The following EYS variants were observed in gnomAD, a reference collection of about 807,000 sequenced individuals.
The protein encoded by EYS is EGF-like photoreceptor maintenance factor.
Under a neutral mutation model 282.1 loss-of-function variants are expected in EYS, and 250 were observed. The ratio of observed to expected loss-of-function variants is 0.89; its 90% CI spans 0.80 to 0.98. EYS has a LOEUF of 0.98. Ranked by LOEUF, EYS falls within the 50% of genes least tolerant of loss-of-function variation. EYS has a pLI of 0.00. For synonymous variants in EYS, 1,355 were observed against 1,282.9 expected, an observed-to-expected ratio of 1.06 and a Z score of -1.20; for missense variants, 4,016 against 3,709.0, an observed-to-expected ratio of 1.08 and a Z score of -2.15.
chr6:64,093,361 C>T (rs575338400), intron 31 of EYS, among the ~76,000 whole-genome samples: 232 of 152,238 alleles, frequency 1.5e-3, no homozygotes, highest in African/African-American at 5.2e-3. Context: ...GCCATTTTCA[C>T]GACATTGATT....
At chr6:64,510,260 G>C (rs1337665688) in intron 26 of EYS, among the ~76,000 whole-genome samples, 1 of 152,060 alleles carries the variant, frequency 6.6e-6, no homozygotes, top group Non-Finnish European at 1.5e-5. Flanking sequence ...TGGAAATAAT[G>C]AATATGTACT....
intron 6 of EYS, 126 bp downstream of exon 6, chr6:65,405,048 T>G (rs1766666730): frequency 1.5e-6 from 1 of 674,798 alleles, no homozygotes; most frequent in South Asian, 2.1e-5. Flanking sequence ...TAGACCGTTC[T>G]TGTTCGTCTG....
At position 64,945,831 on chromosome 6, in the gene EYS, C is replaced by A; in HGVS notation, c.2343G>T (p.Lys781Asn). ...ESNECKMNPC[K>N]NNSTCTDLYK... ...AAAGGTCAGTACAGGTGGAATTGTT[C>A]TTGCAAGGATTCATTTTACACTCAT... Residue 781 changes from lysine (K) to asparagine (N), a missense_variant, in exon 15 of 43, where the codon AAG becomes AAT. Transcript: ENST00000503581. 5 of 1,549,998 alleles carry A rather than the reference C, an allele frequency of 3.2e-6. No homozygotes were observed. Among genetic ancestry groups the A allele is most frequent in the Non-Finnish European group, 4.4e-6 (5 of 1,145,926 alleles).
At chr6:63,987,186 T>C (rs893104450) in intron 34 of EYS, among the ~76,000 whole-genome samples, 1 of 151,698 alleles carries the variant, frequency 6.6e-6, no homozygotes, top group South Asian at 2.1e-4. Context: ...CTCCAGATAA[T>C]TCCAACACAG....
intron 13 of EYS, among the ~76,000 whole-genome samples, chr6:65,002,693 T>C (rs1771501973): frequency 6.8e-6 from 1 of 147,838 alleles, no homozygotes; most frequent in Non-Finnish European, 1.5e-5. Context: ...TATTTATTCA[T>C]ATATTGAGGT....
At chr6:65,477,600 C>T (rs1220214904) in intron 5 of EYS, among the ~76,000 whole-genome samples, 1 of 152,030 alleles carries the variant, frequency 6.6e-6, no homozygotes, top group Non-Finnish European at 1.5e-5. Context: ...ACAAGGGAAG[C>T]CAATTGACGC....
chr6:65,607,431 A>G (rs1271902576), intron 2 of EYS, among the ~76,000 whole-genome samples: 1 of 151,884 alleles, frequency 6.6e-6, no homozygotes, highest in Non-Finnish European at 1.5e-5. Flanking sequence ...TCATTGTAAC[A>G]GAACCAATAC....
intron 26 of EYS, among the ~76,000 whole-genome samples, chr6:64,504,915 G>A (rs1777165057): frequency 6.6e-6 from 1 of 152,114 alleles, no homozygotes; most frequent in African/African-American, 2.4e-5. Context: ...GGATGAGGAA[G>A]GGTCCATAAT....
chr6:65,430,178 G>C (rs529934559), intron 5 of EYS, among the ~76,000 whole-genome samples: 5 of 152,032 alleles, frequency 3.3e-5, no homozygotes, highest in African/African-American at 9.7e-5. Flanking sequence ...TATCTACAAA[G>C]GAAAAACACG....
At chr6:63,740,861 C>T (rs1769058571) in intron 41 of EYS, among the ~76,000 whole-genome samples, 1 of 152,152 alleles carries the variant, frequency 6.6e-6, no homozygotes. Context: ...ATTCAAAGGA[C>T]TCTGATTTAG....
At chr6:65,637,576 C>T (rs147719196) in intron 2 of EYS, among the ~76,000 whole-genome samples, 1 of 152,188 alleles carries the variant, frequency 6.6e-6, no homozygotes, top group African/African-American at 2.4e-5. Context: ...AGCATCACTG[C>T]ACTCTTGGGG....
At chr6:64,501,117 C>T (rs1036797080) in intron 26 of EYS, among the ~76,000 whole-genome samples, 2 of 139,616 alleles carry the variant, frequency 1.4e-5, no homozygotes, top group African/African-American at 2.6e-5. Context: ...TTACTAATTT[C>T]ATTGCTTGGG....
intron 5 of EYS, among the ~76,000 whole-genome samples, chr6:65,433,231 G>A (rs1258091613): frequency 1.3e-5 from 2 of 152,132 alleles, no homozygotes; most frequent in African/African-American, 4.8e-5. Flanking sequence ...AAGCCAATAT[G>A]TAGTGTCCTG....
chr6:64,459,749 C>T (rs1320227946), intron 26 of EYS, among the ~76,000 whole-genome samples: 1 of 152,188 alleles, frequency 6.6e-6, no homozygotes, highest in African/African-American at 2.4e-5. Context: ...CTGATTTATT[C>T]TAGCTGCACT....
At chr6:64,695,967 C>A (rs962241862) in intron 22 of EYS, among the ~76,000 whole-genome samples, 1 of 152,076 alleles carries the variant, frequency 6.6e-6, no homozygotes, top group African/African-American at 2.4e-5. Context: ...GGTACTATTA[C>A]ACCTCTAAGG....
At chr6:64,470,146 C>T (rs1002760153) in intron 26 of EYS, among the ~76,000 whole-genome samples, 4 of 152,114 alleles carry the variant, frequency 2.6e-5, no homozygotes, top group Non-Finnish European at 5.9e-5. Context: ...CCGGTCTCTG[C>T]GTCTTGGTGG....
At chr6:65,008,551 GC>G (rs2150131806) in intron 13 of EYS, among the ~76,000 whole-genome samples, 1 of 152,292 alleles carries the variant, frequency 6.6e-6, no homozygotes, top group East Asian at 1.9e-4. Flanking sequence ...AAAATTGAAT[GC>G]CTAATAGGCC....
intron 22 of EYS, among the ~76,000 whole-genome samples, chr6:64,751,016 G>C (rs1456295994): frequency 6.6e-6 from 1 of 151,970 alleles, no homozygotes; most frequent in Non-Finnish European, 1.5e-5. Flanking sequence ...TAGGAGTTTA[G>C]GCCCCTCCTT....
rs537484260 is a variant in EYS at position 65,634,963 on chromosome 6, C to T, written c.-333+4815G>A. On this transcript the variant is annotated intron_variant, in intron 2 of 42. Transcript: ENST00000503581. Reference sequence around the variant, plus strand: ...TGCCTCTTATTAAAAATCAATTTGCCTTCATCACAGACAGAAGCCTAGACC... The same window carrying T: ...TGCCTCTTATTAAAAATCAATTTGCTTTCATCACAGACAGAAGCCTAGACC... 6.6e-5 allele frequency among the ~76,000 whole-genome samples: 10 copies of T among 152,292 alleles called. No homozygotes were observed. In the East Asian group the frequency reaches 1.7e-3, roughly 26 times the overall value.
Sources: allele counts gnomAD v4.1 joint callset (sites outside exome capture counted in the v4.1 genomes callset), GRCh38; gene constraint gnomAD v4.1.1; transcripts MANE v1.5; gene names NCBI Gene and HGNC (gene_info 2026-07-23, HGNC 2026-07-21).